The following TRAPPC9 variants were observed in gnomAD, a reference collection of about 807,000 sequenced individuals.
The protein encoded by TRAPPC9 is trafficking protein particle complex subunit 9.
In TRAPPC9, 83 loss-of-function variants were observed where a neutral mutation model predicts 124.0. That is an observed-to-expected ratio of 0.67 (90% CI 0.56 to 0.80). The LOEUF (loss-of-function observed/expected upper bound fraction) is 0.80, where lower values mean the gene tolerates loss of function less well. Ranked by LOEUF, TRAPPC9 falls within the 30% of genes least tolerant of loss-of-function variation. TRAPPC9 has a pLI of 0.00. For synonymous variants in TRAPPC9, 638 were observed against 617.5 expected (o/e 1.03, Z -0.49); for missense variants, 1,302 against 1,508.3 (o/e 0.86, Z 2.27).
rs1052448692 is a variant in TRAPPC9 at position 140,256,981 on chromosome 8, T to A, written c.2279-4052A>T. Among the ~76,000 whole-genome samples the A allele has an allele frequency of 5.3e-5, 8 of 152,276 alleles. No individual in the cohort carries two copies. The East Asian group carries it at 1.5e-3, about 29-fold the overall frequency. On this transcript the variant is annotated intron_variant, in intron 15 of 22. Coordinates refer to ENST00000438773, the MANE Select transcript of TRAPPC9 (RefSeq NM_001160372.4). ...GCTCGTAGCCTTCCATGTCTACTAC[T>A]TCCTGCTACTTCCATTACAGAACAG...
intron 7 of TRAPPC9, among the ~76,000 whole-genome samples, chr8:140,380,681 A>T (rs1011045051): frequency 2.1e-5 from 3 of 144,252 alleles, no homozygotes; most frequent in African/African-American, 7.9e-5. Flanking sequence ...AAAAAAAAAG[A>T]ATAAATTGGA....
rs188397192 is a variant in TRAPPC9 at position 140,009,739 on chromosome 8, C to A, written c.2699+14198G>T. 1.1e-4 allele frequency among the ~76,000 whole-genome samples: 17 copies of A among 152,344 alleles called. No homozygotes were observed. The East Asian group carries it at 2.9e-3, about 26-fold the overall frequency. On this transcript the variant is annotated intron_variant, in intron 18 of 22. Transcript: ENST00000438773. ...CTCTGAAAGCAGCTCTCCAGCTTTTCATAGCACGTCCCCCCTGCTATGCTG... is the reference window on the plus strand; with the variant it reads ...CTCTGAAAGCAGCTCTCCAGCTTTTAATAGCACGTCCCCCCTGCTATGCTG...
chr8:140,174,380 A>C (rs148030499), intron 17 of TRAPPC9, among the ~76,000 whole-genome samples: 90 of 127,756 alleles, frequency 7.0e-4, no homozygotes, highest in African/African-American at 2.3e-3. Context: ...CCCAAACGTA[A>C]AAGTTAAAAA....
At chr8:139,925,802 A>AGCACAT (rs1488773610) in intron 19 of TRAPPC9, among the ~76,000 whole-genome samples, 8 of 146,554 alleles carry the variant, frequency 5.5e-5, no homozygotes, top group African/African-American at 1.5e-4. Flanking sequence ...TTGACTACCC[A>AGCACAT]GCACACGCAC....
chr8:139,820,530 T>C (rs1394498314), intron 21 of TRAPPC9, among the ~76,000 whole-genome samples: 1 of 152,218 alleles, frequency 6.6e-6, no homozygotes, highest in Non-Finnish European at 1.5e-5. Context: ...CATATACACA[T>C]TTTTATGTAT....
In TRAPPC9 at chr8:140,259,381, G is replaced by A. The variant is rs76756048; in HGVS notation, c.2279-6452C>T. On this transcript the variant is annotated intron_variant, in intron 15 of 22. Transcript: ENST00000438773. ...ATTCTTCCACCAAACGGTCAAAAACGGAAGGCAGGGACCAGACCTTGCCTT... is the reference window on the plus strand; with the variant it reads ...ATTCTTCCACCAAACGGTCAAAAACAGAAGGCAGGGACCAGACCTTGCCTT... Among the ~76,000 whole-genome samples the A allele has an allele frequency of 9.5e-4, 145 of 152,254 alleles. 1 individual carries two copies. Among genetic ancestry groups the A allele is most frequent in the African/African-American group, 3.1e-3 (127 of 41,552 alleles).
intron 20 of TRAPPC9, among the ~76,000 whole-genome samples, chr8:139,888,087 C>G (rs770892908): frequency 6.6e-6 from 1 of 152,214 alleles, no homozygotes; most frequent in Non-Finnish European, 1.5e-5. Flanking sequence ...TCCGCACATG[C>G]TGCTTGCTTC....
intron 17 of TRAPPC9, among the ~76,000 whole-genome samples, chr8:140,140,400 T>G (rs545307361): frequency 1.3e-5 from 2 of 152,306 alleles, no homozygotes; most frequent in African/African-American, 2.4e-5. Context: ...CCTACTGGTG[T>G]TGTGTGGTGG....
In TRAPPC9 at chr8:139,862,317, T is replaced by C. The variant is rs1828221825; in HGVS notation, c.3055+23562A>G. Among the ~76,000 whole-genome samples, 4 of 152,356 alleles carry C rather than the reference T, an allele frequency of 2.6e-5. No individual in the cohort carries two copies. The South Asian group carries it at 8.3e-4, about 32-fold the overall frequency. ...CAATGGGGACTTGTGAGCTTGTTTC[T>C]AGAGAAGGGGCTTGTCCTCTGGGAA... On this transcript the variant is annotated intron_variant, in intron 21 of 22. Transcript: ENST00000438773.
At chr8:140,311,515 CCAGAACAAAG>C (rs2066298402) in intron 9 of TRAPPC9, 141 bp from the exon 10 acceptor site, 2 of 978,264 alleles carry the variant, frequency 2.0e-6, no homozygotes, top group South Asian at 2.8e-5. Context: ...GCAAAAGAGA[CCAGAACAAAG>C]CAGAAGCCAT....
intron 5 of TRAPPC9, among the ~76,000 whole-genome samples, chr8:140,424,025 G>C (rs1415640452): frequency 6.6e-6 from 1 of 152,042 alleles, no homozygotes; most frequent in East Asian, 1.9e-4. Context: ...TTCCTGCTGG[G>C]GTTATGAGAA....
intron 17 of TRAPPC9, among the ~76,000 whole-genome samples, chr8:140,125,845 A>G (rs2061086243): frequency 6.6e-6 from 1 of 151,984 alleles, no homozygotes; most frequent in Admixed American, 6.6e-5. Flanking sequence ...CAACGATTAG[A>G]CATCTCCTTT....
intron 18 of TRAPPC9, among the ~76,000 whole-genome samples, chr8:140,019,994 G>A (rs771235536): frequency 1.4e-4 from 21 of 151,134 alleles, no homozygotes; most frequent in African/African-American, 2.2e-4. Flanking sequence ...CATCACACCC[G>A]GCTAATTTTT....
At chr8:140,448,421 G>A (rs979042331) in intron 2 of TRAPPC9, among the ~76,000 whole-genome samples, 3 of 152,228 alleles carry the variant, frequency 2.0e-5, no homozygotes, top group African/African-American at 4.8e-5. Context: ...GACGCACTGC[G>A]TCACAGCACA....
chr8:140,187,030 C>T (rs558804194), intron 17 of TRAPPC9, among the ~76,000 whole-genome samples: 6 of 152,306 alleles, frequency 3.9e-5, no homozygotes, highest in East Asian at 1.9e-4. Flanking sequence ...CTACAGATTG[C>T]GTATCCCTTT....
chr8:140,132,836 T>G (rs1010730227), intron 17 of TRAPPC9, among the ~76,000 whole-genome samples: 1 of 151,992 alleles, frequency 6.6e-6, no homozygotes, highest in Non-Finnish European at 1.5e-5. Context: ...AAATCCTTGA[T>G]GGTGGACACA....
chr8:139,945,619 G>A lies in TRAPPC9; in HGVS notation c.2811-35319C>T, dbSNP rs543820204. Among the ~76,000 whole-genome samples, 25 of 143,058 alleles carry A rather than the reference G, an allele frequency of 1.7e-4. 1 individual carries two copies. In the South Asian group the frequency reaches 4.9e-3, roughly 28 times the overall value. 93.9% of individuals were successfully genotyped at this position (143,058 alleles called of 152,430 possible). The stretch of plus-strand genomic sequence containing the variant: ...AAGACATAAATGAACTGAACAACAC[G>A]TGCAACTCCAGAGCTGGTGTGCAGA... On this transcript the variant is annotated intron_variant, in intron 19 of 22. Transcript: ENST00000438773.
intron 17 of TRAPPC9, among the ~76,000 whole-genome samples, chr8:140,053,679 G>C (rs1842129421): frequency 6.6e-6 from 1 of 152,170 alleles, no homozygotes; most frequent in Non-Finnish European, 1.5e-5. Context: ...TCCTGTTACT[G>C]TGTTGCTGTC....
intron 17 of TRAPPC9, among the ~76,000 whole-genome samples, chr8:140,037,908 A>C (rs563608504): frequency 3.8e-4 from 54 of 143,712 alleles, no homozygotes; most frequent in African/African-American, 1.3e-3. Context: ...ACACACACAC[A>C]CACCCCAGAG....
Sources: allele counts gnomAD v4.1 joint callset (sites outside exome capture counted in the v4.1 genomes callset), GRCh38; gene constraint gnomAD v4.1.1; transcripts MANE v1.5; gene names NCBI Gene and HGNC (gene_info 2026-07-23, HGNC 2026-07-21).